FHIT: variants seen among roughly 807,000 people sequenced by gnomAD.
The protein encoded by FHIT is bis(5'-adenosyl)-triphosphatase.
FHIT carries 19 observed loss-of-function variants against 17.9 expected under a neutral mutation model. The ratio of observed to expected loss-of-function variants is 1.06; its 90% CI spans 0.74 to 1.56. FHIT has a LOEUF of 1.56. FHIT is among the 40% of genes most tolerant of loss of function. The pLI, the probability that FHIT is intolerant of heterozygous loss-of-function variation, is 0.00. For synonymous variants in FHIT, 81 were observed against 69.7 expected (o/e 1.16, Z -0.81); for missense variants, 248 against 189.2 (o/e 1.31, Z -1.82).
intron 3 of FHIT, among the ~76,000 whole-genome samples, chr3:60,876,221 AT>A (rs1553756494): frequency 6.6e-6 from 1 of 152,064 alleles, no homozygotes. Context: ...CATTATATTC[AT>A]ACTTTTTGGT....
At chr3:60,915,569 A>G (rs1706955434) in intron 3 of FHIT, among the ~76,000 whole-genome samples, 1 of 152,186 alleles carries the variant, frequency 6.6e-6, no homozygotes. Context: ...GAAGGATAGA[A>G]GCATTGGAAG....
chr3:59,963,507 C>T (rs959783406), intron 7 of FHIT, among the ~76,000 whole-genome samples: 1 of 151,860 alleles, frequency 6.6e-6, no homozygotes, highest in Non-Finnish European at 1.5e-5. Context: ...AGAGATATCA[C>T]AGAATTAGAA....
intron 5 of FHIT, among the ~76,000 whole-genome samples, chr3:60,034,686 T>C (rs544034997): frequency 2.0e-5 from 3 of 152,210 alleles, no homozygotes; most frequent in Admixed American, 6.5e-5. Flanking sequence ...GGTAATAAAA[T>C]TGAATCTTTG....
At chr3:60,054,514 AG>A (rs1702004755) in intron 5 of FHIT, among the ~76,000 whole-genome samples, 2 of 152,222 alleles carry the variant, frequency 1.3e-5, no homozygotes, top group Non-Finnish European at 2.9e-5. Flanking sequence ...AATGAGCACC[AG>A]GGTTTTCAAA....
chr3:60,105,975 A>G (rs1704391145), intron 5 of FHIT, among the ~76,000 whole-genome samples: 1 of 152,172 alleles, frequency 6.6e-6, no homozygotes, highest in Non-Finnish European at 1.5e-5. Flanking sequence ...TAAATGGAAA[A>G]TCCCAGAAAT....
Position 60,177,084 on chromosome 3 carries a change from G to A in FHIT, c.104-162932C>T, listed in dbSNP as rs115768593. 8.5e-3 allele frequency among the ~76,000 whole-genome samples: 1,295 copies of A among 152,126 alleles called. 15 individuals carry two copies. The highest frequency in any genetic ancestry group is 0.029 in the African/African-American group (1,196 of 41,498). On this transcript the variant is annotated intron_variant, in intron 5 of 9. Transcript: ENST00000492590. ...GGTGAAAATGATGAAAAATCTGTGC[G>A]AAAGAGCATGCCCAAGCAGTTAGCA...
At chr3:60,024,641 T>G (rs1332946502) in intron 5 of FHIT, among the ~76,000 whole-genome samples, 1 of 152,138 alleles carries the variant, frequency 6.6e-6, no homozygotes, top group Non-Finnish European at 1.5e-5. Flanking sequence ...CAAAGGCAAC[T>G]GACATAGTAA....
chr3:60,086,287 C>A (rs879080776), intron 5 of FHIT, among the ~76,000 whole-genome samples: 1 of 152,186 alleles, frequency 6.6e-6, no homozygotes, highest in Admixed American at 6.5e-5. Context: ...ACACCTCCCC[C>A]AGGCCCCACC....
chr3:59,751,880 T>A (rs1289573139), intron 9 of FHIT: 4 of 263,688 alleles, frequency 1.5e-5, no homozygotes, highest in African/African-American at 8.7e-5. Flanking sequence ...TAAGTTGGGG[T>A]TGACCTTTTA....
chr3:60,373,445 G>C (rs1202630985), intron 5 of FHIT, among the ~76,000 whole-genome samples: 2 of 152,174 alleles, frequency 1.3e-5, no homozygotes, highest in African/African-American at 4.8e-5. Context: ...AGGCACGATA[G>C]TGTGAGACTA....
chr3:60,283,906 G>C (rs1707589492), intron 5 of FHIT, among the ~76,000 whole-genome samples: 1 of 152,062 alleles, frequency 6.6e-6, no homozygotes, highest in Non-Finnish European at 1.5e-5. Flanking sequence ...ATGTATTCTA[G>C]TGATTACCTT....
chr3:61,168,493 T>C (rs1182456972), intron 2 of FHIT, among the ~76,000 whole-genome samples: 5 of 152,230 alleles, frequency 3.3e-5, no homozygotes, highest in Admixed American at 6.5e-5. Flanking sequence ...CCTGAAGGTT[T>C]CATTTTTCTG....
chr3:60,691,343 A>G (rs906700480), intron 4 of FHIT, among the ~76,000 whole-genome samples: 1 of 148,080 alleles, frequency 6.8e-6, no homozygotes, highest in South Asian at 2.1e-4. Context: ...GAAATTATCA[A>G]TTTTTTTCCC....
chr3:60,537,000 T>C (rs773955205), intron 4 of FHIT, 21 bp from the exon 5 acceptor site: 1 of 1,581,944 alleles, frequency 6.3e-7, no homozygotes, highest in Non-Finnish European at 8.6e-7. Context: ...AGACAATGGA[T>C]AGTTATAAAA....
At chr3:60,663,925 A>C (rs2040321754) in intron 4 of FHIT, among the ~76,000 whole-genome samples, 1 of 152,194 alleles carries the variant, frequency 6.6e-6, no homozygotes, top group Non-Finnish European at 1.5e-5. Flanking sequence ...TTATATATGT[A>C]GACAATCATA....
intron 1 of FHIT, among the ~76,000 whole-genome samples, chr3:61,237,328 G>A (rs974196136): frequency 3.3e-5 from 5 of 152,144 alleles, no homozygotes; most frequent in African/African-American, 1.2e-4. Context: ...AGAATCTTAA[G>A]TGTTTATGAG....
Position 59,813,390 on chromosome 3 carries a change from C to T in FHIT, c.349-61069G>A, listed in dbSNP as rs962972276. 2.6e-5 allele frequency among the ~76,000 whole-genome samples: 4 copies of T among 152,244 alleles called. No individual in the cohort carries two copies. The South Asian group carries it at 6.2e-4, about 24-fold the overall frequency. On this transcript the variant is annotated intron_variant, in intron 8 of 9. Coordinates refer to ENST00000492590, the MANE Select transcript of FHIT (RefSeq NM_002012.4). ...TAAGGTTCGCCTGAGGACGTACCCT[C>T]GCATTCTTTCCTGCCAGCTTAAGAA... is the stretch of plus-strand genomic sequence containing the variant.
intron 5 of FHIT, among the ~76,000 whole-genome samples, chr3:60,189,468 T>C (rs1248291373): frequency 4.6e-5 from 7 of 152,188 alleles, no homozygotes; most frequent in South Asian, 2.1e-4. Context: ...TTAGATACTT[T>C]AGGGCAATTC....
rs543055752 is a variant in FHIT, at chr3:60,408,340, C to T, written c.103+128520G>A. Reference sequence around the variant, plus strand: ...TGCCAACAAAGTCCCATTGTCAGACCCCTCCTGCAACTCCTAATCCACATA... The same window carrying T: ...TGCCAACAAAGTCCCATTGTCAGACTCCTCCTGCAACTCCTAATCCACATA... On this transcript the variant is annotated intron_variant, in intron 5 of 9. Transcript: ENST00000492590. Among the ~76,000 whole-genome samples, 5 of 152,180 alleles carry T rather than the reference C, an allele frequency of 3.3e-5. No homozygotes were observed. The East Asian group carries it at 9.7e-4, about 29-fold the overall frequency.
Sources: gnomAD v4.1 joint callset for allele counts (sites outside exome capture counted in the v4.1 genomes callset) on GRCh38, gnomAD v4.1.1 for gene constraint, MANE v1.5 for transcripts, NCBI Gene and HGNC (gene_info 2026-07-23, HGNC 2026-07-21) for gene names.